The following TMBIM4 variants were observed in gnomAD, a reference collection of about 807,000 sequenced individuals.
TMBIM4 encodes the protein transmembrane BAX inhibitor motif containing 4, also known as protein lifeguard 4.
A neutral mutation model predicts 27.7 loss-of-function variants in TMBIM4; 28 were observed. The ratio of observed to expected loss-of-function variants is 1.01; its 90% CI spans 0.75 to 1.38. The LOEUF (loss-of-function observed/expected upper bound fraction) is 1.38. TMBIM4 is among the 40% of genes most tolerant of loss of function. The probability of loss-of-function intolerance (pLI) is 0.00; values close to 1 mark genes in which losing one functional copy is unlikely to be tolerated. For synonymous variants in TMBIM4, 115 were observed against 113.1 expected, an observed-to-expected ratio of 1.02 and a Z score of -0.11; for missense variants, 265 against 277.5, an observed-to-expected ratio of 0.95 and a Z score of 0.32.
rs745870582 is a variant in TMBIM4 at position 66,137,585 on chromosome 12, G to A, written c.*375C>T. On this transcript the variant is annotated 3_prime_UTR_variant, in exon 7 of 7. Transcript: ENST00000358230. ...TAATTTTTGTATTTTTAGTAGAGAC[G>A]GGGTTTCACCATGTTGGCCAGGATG... is the stretch of plus-strand genomic sequence containing the variant. The A allele has an allele frequency of 3.1e-5, 6 of 195,862 alleles. No individual in the cohort carries two copies. The highest frequency in any genetic ancestry group is 7.8e-5 in the South Asian group (1 of 12,896). 12.1% of individuals were successfully genotyped at this position (195,862 alleles called of 1,614,324 possible). A position where few individuals can be genotyped will look rare whatever the true frequency, so the allele number is the denominator to read the frequency against.
intron 1 of TMBIM4, chr12:66,169,172 C>G: frequency 1.5e-6 from 1 of 658,718 alleles, no homozygotes. Context: ...TTTCGGCGAT[C>G]AAATGACCAA....
chr12:66,154,245 C>T (rs952146338), intron 1 of TMBIM4, among the ~76,000 whole-genome samples: 1 of 152,176 alleles, frequency 6.6e-6, no homozygotes, highest in Non-Finnish European at 1.5e-5. Flanking sequence ...GTTCCGCATT[C>T]TGAATTAGAT....
Position 66,138,006 on chromosome 12 carries a change from AGATT to A in TMBIM4, c.667_670del (p.Asn223TyrfsTer17), listed in dbSNP as rs1183004930. On this transcript the variant is annotated frameshift_variant, in exon 7 of 7. Transcript: ENST00000358230. LOFTEE classifies it high-confidence loss of function. ...CAGAAACCGTAACAGGTGCAGGAAT[AGATT>A]GATGATATCCAAGTAGAGGCTGATG... The A allele has an allele frequency of 6.2e-7, 1 of 1,613,992 alleles. No individual in the cohort carries two copies. The highest frequency in any genetic ancestry group is 1.7e-5 in the Admixed American group (1 of 59,990).
chr12:66,145,990 A>G (rs761675238), intron 4 of TMBIM4, 32 bp from the exon 5 acceptor site: 1 of 1,184,948 alleles, frequency 8.4e-7, no homozygotes, highest in Non-Finnish European at 1.2e-6. Flanking sequence ...TAACATGCAT[A>G]TAAACATGCT....
At chr12:66,169,203 C>A in intron 1 of TMBIM4, 1 of 690,882 alleles carries the variant, frequency 1.4e-6, no homozygotes, top group South Asian at 1.5e-5. Flanking sequence ...GCAATGGCTT[C>A]CACGTAGATG....
At chr12:66,146,089 CT>C (rs1299142851) in intron 4 of TMBIM4, 131 bp from the exon 5 acceptor site, 5 of 544,752 alleles carry the variant, frequency 9.2e-6, no homozygotes, top group Non-Finnish European at 1.6e-5. Flanking sequence ...GAAAAGATTT[CT>C]TATCCATCCT....
intron 1 of TMBIM4, among the ~76,000 whole-genome samples, chr12:66,168,455 G>A (rs2052171790): frequency 2.0e-5 from 3 of 152,066 alleles, no homozygotes. Flanking sequence ...CTGGATATTG[G>A]ATGGTATATA....
At chr12:66,149,614 G>A (rs2136861296) in intron 3 of TMBIM4, among the ~76,000 whole-genome samples, 1 of 152,020 alleles carries the variant, frequency 6.6e-6, no homozygotes, top group African/African-American at 2.4e-5. Flanking sequence ...ATAAGACTAG[G>A]AAAACATGAT....
chr12:66,140,279 G>C (rs1441909959), intron 5 of TMBIM4, among the ~76,000 whole-genome samples: 4 of 152,110 alleles, frequency 2.6e-5, no homozygotes, highest in Non-Finnish European at 5.9e-5. Flanking sequence ...GAGGAGGAGA[G>C]AAATGGAAGA....
chr12:66,152,387 T>C lies in TMBIM4; in HGVS notation c.207-11A>G. On this transcript the variant is annotated splice_polypyrimidine_tract_variant and intron_variant, in intron 2 of 6. Coordinates refer to ENST00000358230, the MANE Select transcript of TMBIM4 (RefSeq NM_016056.4). ...AAAATTAAGGCAGGACTGAAAGACA[T>C]AATATTAAGTGTTTCAAGTTAAAGA... The C allele has an allele frequency of 6.3e-7, 1 of 1,575,050 alleles. No individual in the cohort carries two copies. Among genetic ancestry groups the C allele is most frequent in the Non-Finnish European group, 8.7e-7 (1 of 1,151,814 alleles).
chr12:66,157,522 A>T (rs557428981), intron 1 of TMBIM4, among the ~76,000 whole-genome samples: 15 of 152,286 alleles, frequency 9.8e-5, no homozygotes, highest in South Asian at 2.1e-4. Flanking sequence ...TTTGTGACAC[A>T]AACAGAATAT....
chr12:66,153,983 T>C (rs2051893843), intron 1 of TMBIM4, among the ~76,000 whole-genome samples: 1 of 152,198 alleles, frequency 6.6e-6, no homozygotes, highest in Non-Finnish European at 1.5e-5. Context: ...CTCTAGTTTC[T>C]ATACAATAGA....
Position 66,169,924 on chromosome 12 carries a change from G to A in TMBIM4, c.28C>T (p.Arg10Cys). The change falls in exon 1 of 7, where the codon CGC becomes TGC. Residue 10 changes from arginine (R) to cysteine (C), a missense_variant. Arg to Cys is a radical substitution (Grantham distance 180). Transcript: ENST00000358230. The part of the protein sequence containing the change: MADPDPRYP[R>C]SSIEDDFNYG... Reference sequence around the variant, plus strand: ...TTGAAGTCGTCCTCGATCGAGGAGCGAGGGTACCGGGGGTCGGGGTCAGCC... The same window carrying A: ...TTGAAGTCGTCCTCGATCGAGGAGCAAGGGTACCGGGGGTCGGGGTCAGCC... 1 of 1,495,456 alleles carries A rather than the reference G, an allele frequency of 6.7e-7. No homozygotes were observed. Among genetic ancestry groups the A allele is most frequent in the Non-Finnish European group, 8.9e-7 (1 of 1,124,296 alleles). 92.6% of individuals were successfully genotyped at this position (1,495,456 alleles called of 1,614,324 possible).
At chr12:66,143,503 C>A (rs11176057) in intron 5 of TMBIM4, among the ~76,000 whole-genome samples, 23,457 of 152,188 alleles carry the variant, frequency 0.15, 2,485 homozygotes, top group Admixed American at 0.32. Flanking sequence ...AGTTTAACAA[C>A]TGACTTGCAA....
chr12:66,149,182 T>C (rs1014209238), intron 3 of TMBIM4, among the ~76,000 whole-genome samples: 1 of 151,992 alleles, frequency 6.6e-6, no homozygotes, highest in Non-Finnish European at 1.5e-5. Flanking sequence ...GGCTCAGACG[T>C]GTAATCCCAG....
intron 1 of TMBIM4, chr12:66,169,425 C>T (rs1005084327): frequency 1.3e-5 from 7 of 530,378 alleles, no homozygotes; most frequent in Admixed American, 7.7e-5. Context: ...GCCTGTAACG[C>T]GAAACCCCAC....
At chr12:66,159,997 T>A (rs913385376) in intron 1 of TMBIM4, among the ~76,000 whole-genome samples, 1 of 152,278 alleles carries the variant, frequency 6.6e-6, no homozygotes, top group African/African-American at 2.4e-5. Flanking sequence ...GTCAGCAAAG[T>A]ATGGCCCGTG....
At chr12:66,160,863 AT>A (rs2052024367) in intron 1 of TMBIM4, among the ~76,000 whole-genome samples, 1 of 137,388 alleles carries the variant, frequency 7.3e-6, no homozygotes. Flanking sequence ...CGCTCCTCAC[AT>A]TCCAGATGGG....
chr12:66,150,131 CA>C (rs1387002532), intron 3 of TMBIM4, among the ~76,000 whole-genome samples: 1 of 152,204 alleles, frequency 6.6e-6, no homozygotes, highest in African/African-American at 2.4e-5. Context: ...CCCTGCTGGG[CA>C]AAAGTTGAAC....
Sources: gnomAD v4.1 joint callset for allele counts (sites outside exome capture counted in the v4.1 genomes callset) on GRCh38, gnomAD v4.1.1 for gene constraint, MANE v1.5 for transcripts, NCBI Gene and HGNC (gene_info 2026-07-23, HGNC 2026-07-21) for gene names.